NRF1: variants seen among roughly 807,000 people sequenced by gnomAD.
NRF1 encodes the protein alpha palindromic-binding protein.
A neutral mutation model predicts 58.5 loss-of-function variants in NRF1; 5 were observed. The ratio of observed to expected loss-of-function variants is 0.09; its 90% CI spans 0.04 to 0.18. The LOEUF (loss-of-function observed/expected upper bound fraction) is 0.18, where lower values mean the gene tolerates loss of function less well. Ranked by LOEUF, NRF1 falls within the 10% of genes least tolerant of loss-of-function variation. The pLI is 1.00. For synonymous variants in NRF1, 224 were observed against 246.7 expected (o/e 0.91, Z 0.86); for missense variants, 288 against 657.7 (o/e 0.44, Z 6.15).
At chr7:129,745,514 CCCAT>C (rs1453131746) in intron 10 of NRF1, among the ~76,000 whole-genome samples, 1 of 149,598 alleles carries the variant, frequency 6.7e-6, no homozygotes, top group African/African-American at 2.5e-5. Context: ...CAACCCCCCC[CCCAT>C]CCATGGAAAT....
chr7:129,745,450 T>A (rs532033918), intron 10 of NRF1, among the ~76,000 whole-genome samples: 167 of 151,946 alleles, frequency 1.1e-3, no homozygotes, highest in African/African-American at 3.8e-3. Flanking sequence ...AGCACGAACC[T>A]ATTGTGAACT....
chr7:129,642,764 T>C (rs1436410167), intron 1 of NRF1, among the ~76,000 whole-genome samples: 2 of 148,724 alleles, frequency 1.3e-5, no homozygotes, highest in Admixed American at 6.9e-5. Context: ...AAAATTTTTT[T>C]TTTTTTTTTT....
chr7:129,743,965 C>T (rs1245707760), intron 10 of NRF1, among the ~76,000 whole-genome samples: 3 of 152,228 alleles, frequency 2.0e-5, no homozygotes, highest in African/African-American at 7.2e-5. Context: ...CTCCCTTCAA[C>T]TGAACTAAGA....
intron 5 of NRF1, among the ~76,000 whole-genome samples, chr7:129,700,507 C>G (rs1802796676): frequency 6.6e-6 from 1 of 152,204 alleles, no homozygotes; most frequent in African/African-American, 2.4e-5. Context: ...AACTGCTTCT[C>G]CATACTGTAG....
chr7:129,730,177 AT>A (rs112563674), intron 10 of NRF1, among the ~76,000 whole-genome samples: 2 of 150,768 alleles, frequency 1.3e-5, no homozygotes, highest in East Asian at 3.9e-4. Context: ...AGTAGGTCAC[AT>A]TTTTTTTTAA....
At chr7:129,634,796 A>G (rs1801132403) in intron 1 of NRF1, among the ~76,000 whole-genome samples, 1 of 152,072 alleles carries the variant, frequency 6.6e-6, no homozygotes, top group Admixed American at 6.6e-5. Context: ...TGATGTATAT[A>G]TTTTCAGGTT....
At chr7:129,672,435 A>T (rs1270037739) in intron 3 of NRF1, among the ~76,000 whole-genome samples, 1 of 151,930 alleles carries the variant, frequency 6.6e-6, no homozygotes, top group African/African-American at 2.4e-5. Context: ...GTATCATCTG[A>T]CTTATATTTT....
At chr7:129,734,998 T>C (rs1348128394) in intron 10 of NRF1, 14 of 947,242 alleles carry the variant, frequency 1.5e-5, no homozygotes, top group Non-Finnish European at 1.6e-5. Flanking sequence ...AGGGGCGTGT[T>C]CATTTTTGCC....
chr7:129,692,883 A>G (rs1411829782), intron 5 of NRF1, among the ~76,000 whole-genome samples: 2 of 152,238 alleles, frequency 1.3e-5, no homozygotes, highest in South Asian at 4.2e-4. Context: ...TCTAGCTCAA[A>G]TATCACCTCT....
chr7:129,684,927 G>A (rs1262872893), intron 4 of NRF1, among the ~76,000 whole-genome samples: 1 of 152,180 alleles, frequency 6.6e-6, no homozygotes, highest in Non-Finnish European at 1.5e-5. Context: ...TGAGGCAGGA[G>A]AACAAAGGAG....
chr7:129,661,452 C>T (rs943292558), intron 2 of NRF1, among the ~76,000 whole-genome samples: 3 of 151,034 alleles, frequency 2.0e-5, no homozygotes, highest in African/African-American at 7.4e-5. Context: ...TTAACAGCAC[C>T]CAAGTCACCT....
chr7:129,668,277 T>G (rs996111890), intron 2 of NRF1, among the ~76,000 whole-genome samples: 2 of 152,254 alleles, frequency 1.3e-5, no homozygotes, highest in Admixed American at 1.3e-4. Context: ...AGTTCCACAC[T>G]AGTTTAATGA....
intron 1 of NRF1, among the ~76,000 whole-genome samples, chr7:129,634,023 T>G (rs1271797142): frequency 1.8e-5 from 2 of 108,834 alleles, no homozygotes; most frequent in Non-Finnish European, 3.5e-5. Flanking sequence ...TTTTTACATC[T>G]GTATTTAAAA....
At chr7:129,613,120 C>T (rs1345025824) in intron 1 of NRF1, among the ~76,000 whole-genome samples, 2 of 152,292 alleles carry the variant, frequency 1.3e-5, no homozygotes, top group East Asian at 3.9e-4. Context: ...TGTGAGTGAG[C>T]CTGTCAGCTT....
intron 1 of NRF1, among the ~76,000 whole-genome samples, chr7:129,629,779 T>C (rs1414888215): frequency 6.6e-6 from 1 of 152,224 alleles, no homozygotes; most frequent in African/African-American, 2.4e-5. Flanking sequence ...GACTTTTTTC[T>C]CCTTTTTATC....
At chr7:129,718,244 T>C (rs1803236328) in intron 9 of NRF1, among the ~76,000 whole-genome samples, 1 of 152,082 alleles carries the variant, frequency 6.6e-6, no homozygotes, top group Non-Finnish European at 1.5e-5. Context: ...TGGTCAAGAG[T>C]GTGAGCCTTG....
chr7:129,618,866 C>A (rs1800709654), intron 1 of NRF1, among the ~76,000 whole-genome samples: 1 of 152,104 alleles, frequency 6.6e-6, no homozygotes, highest in Non-Finnish European at 1.5e-5. Flanking sequence ...TCATATACAT[C>A]TTACAACCTG....
intron 3 of NRF1, 34 bp from the exon 4 acceptor site, chr7:129,677,598 A>G: frequency 1.2e-6 from 2 of 1,610,858 alleles, no homozygotes; most frequent in Non-Finnish European, 1.7e-6. Flanking sequence ...CGTCTTTTTA[A>G]AACTTTTTAT....
At chr7:129,651,543 G>A (rs936840747) in intron 1 of NRF1, among the ~76,000 whole-genome samples, 1 of 152,134 alleles carries the variant, frequency 6.6e-6, no homozygotes, top group African/African-American at 2.4e-5. Context: ...TTCATGCTGT[G>A]AACTGCATTC....
Sources: gnomAD v4.1 joint callset for allele counts (sites outside exome capture counted in the v4.1 genomes callset) on GRCh38, gnomAD v4.1.1 for gene constraint, MANE v1.5 for transcripts, NCBI Gene and HGNC (gene_info 2026-07-23, HGNC 2026-07-21) for gene names.